RASGRF2: variants seen among roughly 807,000 people sequenced by gnomAD.
RASGRF2 encodes ras-specific guanine nucleotide-releasing factor 2.
A neutral mutation model predicts 151.0 loss-of-function variants in RASGRF2; 76 were observed. That is an observed-to-expected ratio of 0.50 (90% confidence interval 0.42 to 0.61). The LOEUF is 0.61. Among genes scored for constraint, RASGRF2 ranks in the 20% least tolerant of loss-of-function variants. The pLI is 0.00. For missense variants in RASGRF2, 1,148 were observed against 1,564.6 expected, an observed-to-expected ratio of 0.73 and a Z score of 4.49; for synonymous variants, 504 against 566.5, an observed-to-expected ratio of 0.89 and a Z score of 1.57.
intron 17 of RASGRF2, among the ~76,000 whole-genome samples, chr5:81,153,105 A>C (rs1754173990): frequency 6.6e-6 from 1 of 152,248 alleles, no homozygotes; most frequent in Non-Finnish European, 1.5e-5. Flanking sequence ...TTAACACTAA[A>C]GAAGGCATAA....
chr5:81,201,430 C>A lies in RASGRF2; in HGVS notation c.2894C>A (p.Ala965Glu). The A allele has an allele frequency of 6.2e-7, 1 of 1,613,588 alleles. No individual in the cohort carries two copies. ...CTTCCCCAAGAAAGGAAAGCCGCCG[C>A]GAATATCCTCAGGTGAAGGCAGCTG... ...DLLPQERKAAANILRALSQDD... is the reference protein window; with the variant it reads ...DLLPQERKAAENILRALSQDD... The change falls in exon 19 of 27, where the codon GCG (alanine) becomes GAG (glutamate). Residue 965 changes from alanine to glutamate, a missense_variant. Ala to Glu is a moderately radical substitution (Grantham distance 107, BLOSUM62 -1). This residue lies in a region of RASGRF2 where 646 missense variants were observed against 807.4 expected (regional missense o/e 0.80). Transcript: ENST00000265080.
intron 21 of RASGRF2, 23 bp downstream of exon 21, chr5:81,207,372 G>C: frequency 6.3e-7 from 1 of 1,585,774 alleles, no homozygotes; most frequent in Non-Finnish European, 8.7e-7. Context: ...CCCCACAGCA[G>C]CAGGGCTCGG....
intron 12 of RASGRF2, among the ~76,000 whole-genome samples, chr5:81,105,082 A>G (rs1371716486): frequency 1.3e-5 from 2 of 152,062 alleles, no homozygotes; most frequent in African/African-American, 2.4e-5. Context: ...TGTCTCTAAG[A>G]GGAGGGAAGT....
At chr5:81,173,700 G>A (rs1044433387) in intron 17 of RASGRF2, among the ~76,000 whole-genome samples, 1 of 152,196 alleles carries the variant, frequency 6.6e-6, no homozygotes, top group Non-Finnish European at 1.5e-5. Context: ...GCAATAGGGA[G>A]ACATGAGAAG....
At chr5:81,075,410 G>A (rs956385406) in intron 5 of RASGRF2, among the ~76,000 whole-genome samples, 4 of 152,278 alleles carry the variant, frequency 2.6e-5, no homozygotes, top group East Asian at 3.9e-4. Context: ...GTGCAAGAGC[G>A]GGCTAGGTGT....
At chr5:81,174,660 T>C (rs1216248372) in intron 17 of RASGRF2, among the ~76,000 whole-genome samples, 1 of 152,222 alleles carries the variant, frequency 6.6e-6, no homozygotes, top group Admixed American at 6.5e-5. Flanking sequence ...AGTAATCAGA[T>C]TGTCTATATC....
rs59490154 is a variant in RASGRF2, at chr5:81,035,623, TA to T, written c.289-7244del. On this transcript the variant is annotated intron_variant, in intron 1 of 26. Transcript: ENST00000265080. ...ACTTAAAGTATAATTAAAACAAAAT[TA>T]AAAAAAAAACAACTTAATAGACTGG... Among the ~76,000 whole-genome samples the T allele has an allele frequency of 1.4e-4, 20 of 148,040 alleles. No individual in the cohort carries two copies. The East Asian group carries it at 1.8e-3, about 13-fold the overall frequency.
intron 17 of RASGRF2, among the ~76,000 whole-genome samples, chr5:81,170,374 G>A (rs1580377219): frequency 1.3e-5 from 2 of 152,236 alleles, no homozygotes; most frequent in South Asian, 2.1e-4. Context: ...GGCAAAACCC[G>A]CTGATGGCTT....
At chr5:80,966,573 A>T (rs1006265776) in intron 1 of RASGRF2, among the ~76,000 whole-genome samples, 2 of 152,170 alleles carry the variant, frequency 1.3e-5, no homozygotes, top group African/African-American at 4.8e-5. Flanking sequence ...AAATACATGA[A>T]TTTGGTTCCG....
intron 15 of RASGRF2, among the ~76,000 whole-genome samples, chr5:81,118,573 C>T (rs150412681): frequency 6.6e-6 from 1 of 152,298 alleles, no homozygotes; most frequent in African/African-American, 2.4e-5. Flanking sequence ...TTTAGCCATA[C>T]TCTCTTTAGT....
intron 1 of RASGRF2, among the ~76,000 whole-genome samples, chr5:80,990,472 C>T (rs1748615431): frequency 6.6e-6 from 1 of 152,236 alleles, no homozygotes; most frequent in African/African-American, 2.4e-5. Flanking sequence ...CGTCTAGACC[C>T]CCATTGCTAA....
chr5:81,039,942 G>A lies in RASGRF2; in HGVS notation c.289-2935G>A, dbSNP rs116204847. On this transcript the variant is annotated intron_variant, in intron 1 of 26. Coordinates refer to ENST00000265080, the MANE Select transcript of RASGRF2 (RefSeq NM_006909.3). The stretch of plus-strand genomic sequence containing the variant: ...AGTTTGTCCTATTCAGAGGTACAGC[G>A]TCATTCACTCATTTAAAAAAATACT... 3.2e-3 allele frequency among the ~76,000 whole-genome samples: 491 copies of A among 152,200 alleles called. 2 individuals are homozygous for A. The highest frequency in any genetic ancestry group is 0.011 in the African/African-American group (467 of 41,542).
chr5:81,113,600 A>C lies in RASGRF2; in HGVS notation c.2150A>C (p.Lys717Thr), dbSNP rs767037260. 5.6e-6 allele frequency: 9 copies of C among 1,609,172 alleles called. No individual in the cohort carries two copies. The highest frequency in any genetic ancestry group is 6.8e-6 in the Non-Finnish European group (8 of 1,175,514). Reference sequence around the variant, plus strand: ...AGAGGTGAACATTTGGTGGATGGCAAATCCCCACGTCTGTGTCGCAAATTC... The same window carrying C: ...AGAGGTGAACATTTGGTGGATGGCACATCCCCACGTCTGTGTCGCAAATTC... ...NNRGEHLVDG[K>T]SPRLCRKFSS... is the part of the protein sequence containing the mutation. Residue 717 changes from lysine (K) to threonine (T), a missense_variant, in exon 15 of 27, where the codon AAA becomes ACA. By Grantham distance (78) the Lys-to-Thr change is moderately conservative. This residue lies in a region of RASGRF2 where 646 missense variants were observed against 807.4 expected (regional missense o/e 0.80). Coordinates refer to ENST00000265080, the MANE Select transcript of RASGRF2 (RefSeq NM_006909.3).
At chr5:81,059,118 T>C (rs1344554902) in intron 2 of RASGRF2, among the ~76,000 whole-genome samples, 1 of 152,172 alleles carries the variant, frequency 6.6e-6, no homozygotes, top group Non-Finnish European at 1.5e-5. Flanking sequence ...GCGCAGTGGC[T>C]CACGCCTGTA....
At chr5:81,173,877 G>A (rs1258752328) in intron 17 of RASGRF2, among the ~76,000 whole-genome samples, 1 of 152,182 alleles carries the variant, frequency 6.6e-6, no homozygotes. Flanking sequence ...CGAGAGCAGG[G>A]AGCATCTCCC....
At chr5:81,051,833 G>C (rs535331699) in intron 2 of RASGRF2, among the ~76,000 whole-genome samples, 46 of 152,208 alleles carry the variant, frequency 3.0e-4, no homozygotes, top group African/African-American at 1.1e-3. Flanking sequence ...TTGGGTATAT[G>C]CCCAGGAGTG....
At chr5:81,167,781 A>G (rs1433722854) in intron 17 of RASGRF2, among the ~76,000 whole-genome samples, 1 of 152,150 alleles carries the variant, frequency 6.6e-6, no homozygotes, top group African/African-American at 2.4e-5. Flanking sequence ...AGCAACGAAG[A>G]GCATGACTGA....
intron 18 of RASGRF2, among the ~76,000 whole-genome samples, chr5:81,189,308 G>A (rs921364998): frequency 6.6e-6 from 1 of 152,202 alleles, no homozygotes; most frequent in Non-Finnish European, 1.5e-5. Flanking sequence ...AGAGTGCCAC[G>A]AGGCTCCTGG....
At chr5:81,030,871 C>T (rs1192651923) in intron 1 of RASGRF2, among the ~76,000 whole-genome samples, 4 of 152,158 alleles carry the variant, frequency 2.6e-5, no homozygotes, top group African/African-American at 9.7e-5. Flanking sequence ...GATAAAGAGT[C>T]AAGACCCATC....
Sources: allele counts gnomAD v4.1 joint callset (sites outside exome capture counted in the v4.1 genomes callset), GRCh38; gene constraint gnomAD v4.1.1; regional missense constraint gnomAD v4.1.1; transcripts MANE v1.5; gene names NCBI Gene and HGNC (gene_info 2026-07-23, HGNC 2026-07-21).